SAAL1: variants seen among roughly 807,000 people sequenced by gnomAD.
The protein encoded by SAAL1 is serum amyloid A like 1, also known as protein SAAL1.
A neutral mutation model predicts 59.8 loss-of-function variants in SAAL1; 42 were observed. That is an observed-to-expected ratio of 0.70 (90% confidence interval 0.55 to 0.91). The LOEUF (loss-of-function observed/expected upper bound fraction) is 0.91, where lower values mean the gene tolerates loss of function less well. SAAL1 is among the 40% of genes least tolerant of loss of function. The probability of loss-of-function intolerance (pLI) is 0.00; values close to 1 mark genes in which losing one functional copy is unlikely to be tolerated. For synonymous variants in SAAL1, 191 were observed against 194.3 expected (o/e 0.98, Z 0.14); for missense variants, 542 against 561.1 (o/e 0.97, Z 0.34).
rs1028098583 is a variant in SAAL1, at chr11:18,103,007, G to C, written c.249+226C>G. Among the ~76,000 whole-genome samples the C allele has an allele frequency of 2.0e-5, 3 of 152,222 alleles. No homozygotes were observed. The East Asian group carries it at 5.8e-4, about 29-fold the overall frequency. On this transcript the variant is annotated intron_variant, in intron 2 of 11. Coordinates refer to ENST00000524803, the MANE Select transcript of SAAL1 (RefSeq NM_138421.3). ...TGTGTATAGGAATACATTCATAAGA[G>C]CTACGTATTTAGTCCGAATCTGTTG...
At chr11:18,081,327 A>T in intron 11 of SAAL1, 84 bp downstream of exon 11, 1 of 914,258 alleles carries the variant, frequency 1.1e-6, no homozygotes, top group Non-Finnish European at 1.7e-6. Flanking sequence ...ATTTTTGACA[A>T]TGACCTCGAA....
intron 4 of SAAL1, among the ~76,000 whole-genome samples, chr11:18,091,491 T>C (rs1210891960): frequency 1.3e-5 from 2 of 152,188 alleles, no homozygotes; most frequent in African/African-American, 4.8e-5. Context: ...AACTAGGAGT[T>C]CTCTCTTTCT....
intron 4 of SAAL1, among the ~76,000 whole-genome samples, chr11:18,091,909 T>C (rs971683222): frequency 1.2e-4 from 19 of 152,154 alleles, no homozygotes; most frequent in Admixed American, 6.5e-4. Flanking sequence ...TCCAGCTGAG[T>C]CATTGGATTC....
chr11:18,085,573 T>C (rs1243156192), intron 9 of SAAL1, among the ~76,000 whole-genome samples: 1 of 152,164 alleles, frequency 6.6e-6, no homozygotes, highest in African/African-American at 2.4e-5. Context: ...AACAAAAATG[T>C]CAGAAATTTT....
intron 9 of SAAL1, among the ~76,000 whole-genome samples, chr11:18,085,502 CACAAAAAAGACCTGA>C (rs1024324079): frequency 6.6e-6 from 1 of 152,010 alleles, no homozygotes; most frequent in African/African-American, 2.4e-5. Flanking sequence ...TACTGAGGGA[CACAAAAAAGACCTGA>C]ACAAATAAAA....
chr11:18,084,508 T>C (rs570573928), intron 9 of SAAL1, among the ~76,000 whole-genome samples: 1 of 152,152 alleles, frequency 6.6e-6, no homozygotes, highest in Non-Finnish European at 1.5e-5. Context: ...GATCTCACTG[T>C]TCCTCCTCAA....
Position 18,083,611 on chromosome 11 carries a change from T to C in SAAL1, c.1163A>G (p.Gln388Arg). The change falls in exon 10 of 12, where the codon CAA becomes CGA. Residue 388 changes from glutamine to arginine, a missense_variant. Coordinates refer to ENST00000524803, the MANE Select transcript of SAAL1 (RefSeq NM_138421.3). ...TEETKRTDLT[Q>R]DDFHLKILKD... ...TAAGATTTTCAAGTGGAAATCATCT[T>C]GGGTTAAATCAGTCCTTTTAGTTTC... The C allele has an allele frequency of 6.2e-7, 1 of 1,605,780 alleles. No individual in the cohort carries two copies. The highest frequency in any genetic ancestry group is 8.5e-7 in the Non-Finnish European group (1 of 1,172,912).
rs1300974908 is a variant in SAAL1, at chr11:18,084,345, A to T, written c.1043-614T>A. Among the ~76,000 whole-genome samples the T allele has an allele frequency of 2.0e-5, 3 of 152,298 alleles. No individual in the cohort carries two copies. The East Asian group carries it at 5.8e-4, about 29-fold the overall frequency. ...TCCCCATATTTCTCATCAAAACAGC[A>T]GCCTATTAAAGCCAGCTCATGCGTA... On this transcript the variant is annotated intron_variant, in intron 9 of 11. Transcript: ENST00000524803.
At chr11:18,093,067 T>C (rs1382941088) in intron 3 of SAAL1, among the ~76,000 whole-genome samples, 1 of 152,188 alleles carries the variant, frequency 6.6e-6, no homozygotes, top group African/African-American at 2.4e-5. Context: ...AGGATGTGAA[T>C]CATTCTTTTG....
intron 3 of SAAL1, 141 bp downstream of exon 3, chr11:18,096,630 G>A (rs1228884332): frequency 1.3e-5 from 8 of 620,592 alleles, no homozygotes; most frequent in Non-Finnish European, 2.3e-5. Context: ...CTAGGACCTG[G>A]CAATGTTCAA....
chr11:18,089,339 T>C lies in SAAL1; in HGVS notation c.761A>G (p.Lys254Arg), dbSNP rs1848498637. The C allele has an allele frequency of 1.5e-5, 24 of 1,549,108 alleles. No homozygotes were observed. Among genetic ancestry groups the C allele is most frequent in the African/African-American group, 2.8e-5 (2 of 71,168 alleles). ...RLVPCILEAA[K>R]QVRSENPEWL... ...AAAAGAGCTCACCTACCGTACTTGT[T>C]TGGCAGCTTCAAGTATACAGGGCAC... The change falls in exon 7 of 12, where the codon AAA becomes AGA. Residue 254 changes from lysine (K) to arginine (R), a missense_variant. Coordinates refer to ENST00000524803, the MANE Select transcript of SAAL1 (RefSeq NM_138421.3).
In SAAL1 at chr11:18,087,145, A is replaced by G; in HGVS notation, c.851T>C (p.Ile284Thr). Residue 284 changes from isoleucine (I) to threonine (T), a missense_variant and splice_region_variant, in exon 8 of 12, where the codon ATT becomes ACT. Coordinates refer to ENST00000524803, the MANE Select transcript of SAAL1 (RefSeq NM_138421.3). ...LTTVDDGIQA[I>T]VHCPDTGKDI... ...TGCATCCCGATAAACCACCTTACCA[A>G]TTGCTTGAATTCCATCATCCACTGT... 1 of 1,611,488 alleles carries G rather than the reference A, an allele frequency of 6.2e-7. No homozygotes were observed. Among genetic ancestry groups the G allele is most frequent in the Non-Finnish European group, 8.5e-7 (1 of 1,177,528 alleles).
Position 18,087,074 on chromosome 11 carries a change from A to G in SAAL1, c.854-20T>C, listed in dbSNP as rs867396600. Reference sequence around the variant, plus strand: ...AATGTACTTAATAAAGAGGACAAATAAAGCAGTACTTTAAAATCAGCAAAC... The same window carrying G: ...AATGTACTTAATAAAGAGGACAAATGAAGCAGTACTTTAAAATCAGCAAAC... On this transcript the variant is annotated intron_variant, in intron 8 of 11. Coordinates refer to ENST00000524803, the MANE Select transcript of SAAL1 (RefSeq NM_138421.3). 7.5e-6 allele frequency: 12 copies of G among 1,606,830 alleles called. 1 individual carries two copies. In the Middle Eastern group the frequency reaches 1.2e-3, roughly 155 times the overall value.
chr11:18,099,394 C>G (rs1229084771), intron 2 of SAAL1, among the ~76,000 whole-genome samples: 3 of 152,180 alleles, frequency 2.0e-5, no homozygotes, highest in Non-Finnish European at 4.4e-5. Context: ...GGGGATACAT[C>G]AGTGAACAAG....
Position 18,083,546 on chromosome 11 carries a change from C to T in SAAL1, c.1228G>A (p.Ala410Thr), listed in dbSNP as rs375315330. The change falls in exon 10 of 12, where the codon GCA becomes ACA. Residue 410 changes from alanine to threonine, a missense_variant. Ala to Thr is a moderately conservative substitution (Grantham distance 58, BLOSUM62 0). Coordinates refer to ENST00000524803, the MANE Select transcript of SAAL1 (RefSeq NM_138421.3). ...LCEFLSNIFQALTKETVAQGV... is the reference protein window; with the variant it reads ...LCEFLSNIFQTLTKETVAQGV... Reference sequence around the variant, plus strand: ...TACTTCTTTCCTACCTTTGTTAATGCCTGAAAAATATTAGAAAGAAATTCA... The same window carrying T: ...TACTTCTTTCCTACCTTTGTTAATGTCTGAAAAATATTAGAAAGAAATTCA... 1.9e-6 allele frequency: 3 copies of T among 1,567,458 alleles called. No homozygotes were observed. The South Asian group carries it at 3.4e-5, about 18-fold the overall frequency.
chr11:18,087,416 T>C (rs1268521689), intron 7 of SAAL1, among the ~76,000 whole-genome samples, 191 bp from the exon 8 acceptor site: 1 of 151,944 alleles, frequency 6.6e-6, no homozygotes, highest in African/African-American at 2.4e-5. Context: ...CAGCAAAAAA[T>C]AAACAAATAT....
Position 18,087,190 on chromosome 11 carries a change from T to C in SAAL1, c.806A>G (p.His269Arg), listed in dbSNP as rs1848473281. Reference protein sequence around the residue: ...ENPEWLDVYMHILQLLTTVDD... With the variant: ...ENPEWLDVYMRILQLLTTVDD... The stretch of plus-strand genomic sequence containing the variant: ...CACTGTAGTAAGCAGTTGTAAAATG[T>C]GCATGTAAACATCAAGCCATTCTGG... Residue 269 changes from histidine (H) to arginine (R), a missense_variant, in exon 8 of 12, where the codon CAC becomes CGC. Transcript: ENST00000524803. 6.2e-7 allele frequency: 1 copy of C among 1,613,564 alleles called. No individual in the cohort carries two copies.
chr11:18,096,905 C>A, intron 2 of SAAL1, 51 bp from the exon 3 acceptor site: 1 of 950,366 alleles, frequency 1.1e-6, no homozygotes, highest in African/African-American at 1.7e-5. Context: ...CCTCCCTAAA[C>A]CCTAAAGCTC....
At chr11:18,083,496 T>A in intron 10 of SAAL1, 39 bp downstream of exon 10, 1 of 1,243,382 alleles carries the variant, frequency 8.0e-7, no homozygotes. Context: ...CAACCCACAC[T>A]TTCTTTTGCT....
Sources: allele counts gnomAD v4.1 joint callset (sites outside exome capture counted in the v4.1 genomes callset), GRCh38; gene constraint gnomAD v4.1.1; transcripts MANE v1.5; gene names NCBI Gene and HGNC (gene_info 2026-07-23, HGNC 2026-07-21).